IQSEC1: variants seen among roughly 807,000 people sequenced by gnomAD.
IQSEC1 encodes the protein IQ motif and Sec7 domain ArfGEF 1.
A neutral mutation model predicts 91.0 loss-of-function variants in IQSEC1; 31 were observed. The observed-to-expected ratio is 0.34, with a 90% confidence interval of 0.26 to 0.46. The LOEUF (loss-of-function observed/expected upper bound fraction) is 0.46, where lower values mean the gene tolerates loss of function less well. IQSEC1 is among the 20% of genes least tolerant of loss of function. The probability of loss-of-function intolerance (pLI) is 1.00; values close to 1 mark genes in which losing one functional copy is unlikely to be tolerated. For missense variants in IQSEC1, 1,388 were observed against 1,575.6 expected (o/e 0.88, Z 2.02); for synonymous variants, 699 against 662.6 (o/e 1.05, Z -0.84).
chr3:13,176,440 C>T (rs1385116072), intron 1 of IQSEC1, among the ~76,000 whole-genome samples: 5 of 152,244 alleles, frequency 3.3e-5, no homozygotes, highest in Non-Finnish European at 7.3e-5. Flanking sequence ...CCTAGCCTGA[C>T]CCTTGGGAGC....
intron 1 of IQSEC1, 78 bp from the exon 2 acceptor site, chr3:12,941,943 C>G: frequency 7.5e-7 from 1 of 1,330,464 alleles, no homozygotes; most frequent in Non-Finnish European, 1.0e-6. Context: ...GGCGTGACCC[C>G]ACCATGCTCC....
At chr3:13,110,240 G>A (rs1044793071) in intron 2 of IQSEC1, among the ~76,000 whole-genome samples, 36 of 152,056 alleles carry the variant, frequency 2.4e-4, no homozygotes, top group African/African-American at 8.7e-4. Flanking sequence ...TATAGGAGGT[G>A]TTATAGCAGT....
At chr3:13,183,834 A>G (rs2125022231) in intron 1 of IQSEC1, among the ~76,000 whole-genome samples, 1 of 152,286 alleles carries the variant, frequency 6.6e-6, no homozygotes, top group East Asian at 1.9e-4. Context: ...CTGATCAATA[A>G]AAGAAGAGAA....
Position 12,897,736 on chromosome 3 carries a change from CTG to C in IQSEC1, c.*3245_*3246del, listed in dbSNP as rs1693789031. 6.6e-6 allele frequency: 1 copy of C among 152,224 alleles called. No individual in the cohort carries two copies. The highest frequency in any genetic ancestry group is 2.4e-5 in the African/African-American group (1 of 41,444). The allele number at this position is 152,224 out of a possible 1,614,324, so 9.4% of individuals were successfully genotyped here. ...TGCGGGCACAGAGCTTCCCGTGGCG[CTG>C]AGTCAACACCCAGCATCAGCTGTGA... On this transcript the variant is annotated 3_prime_UTR_variant, in exon 14 of 14. Coordinates refer to ENST00000613206, the MANE Select transcript of IQSEC1 (RefSeq NM_001134382.3).
At chr3:13,142,214 C>A (rs372711200) in intron 2 of IQSEC1, among the ~76,000 whole-genome samples, 1 of 152,240 alleles carries the variant, frequency 6.6e-6, no homozygotes, top group Non-Finnish European at 1.5e-5. Context: ...CAGAGCGCAG[C>A]GGGCTGCGGG....
rs370534423 is a variant in IQSEC1, at chr3:13,026,864, G to GCTTTTTTTTTTTTTTTTTTTTT, written c.23+46127_23+46128insAAAAAAAAAAAAAAAAAAAAAG. ...TGAAGTAGCAGTTATTATCTCCCCA[G>GCTTTTTTTTTTTTTTTTTTTTT]TTTTTTTTTTTTTTGTTTGTTTTTT... On this transcript the variant is annotated intron_variant, in intron 1 of 13. Transcript: ENST00000613206. Among the ~76,000 whole-genome samples the GCTTTTTTTTTTTTTTTTTTTTT allele has an allele frequency of 2.2e-5, 2 of 90,864 alleles. 1 individual carries two copies. Among genetic ancestry groups the GCTTTTTTTTTTTTTTTTTTTTT allele is most frequent in the African/African-American group, 6.7e-5 (2 of 29,786 alleles). 59.6% of individuals were successfully genotyped at this position (90,864 alleles called of 152,430 possible).
At position 13,006,278 on chromosome 3, in the gene IQSEC1, G is replaced by A. The variant is rs565989282; in HGVS notation, c.24-64413C>T. On this transcript the variant is annotated intron_variant, in intron 1 of 13. Transcript: ENST00000613206. ...ATGGCTGTGCCTCAAGAGGCCTCAC[G>A]GCTTCTGGTTCATTCTAGAAGTGCA... is the stretch of plus-strand genomic sequence containing the variant. 8.5e-5 allele frequency among the ~76,000 whole-genome samples: 13 copies of A among 152,338 alleles called. No homozygotes were observed. The East Asian group carries it at 9.6e-4, about 11-fold the overall frequency.
intron 1 of IQSEC1, among the ~76,000 whole-genome samples, chr3:13,037,659 T>C (rs1178976784): frequency 6.6e-6 from 1 of 152,148 alleles, no homozygotes; most frequent in Non-Finnish European, 1.5e-5. Context: ...GGTCCATACT[T>C]ATAGTGGAGT....
intron 1 of IQSEC1, among the ~76,000 whole-genome samples, chr3:13,177,837 T>C (rs357139): frequency 0.75 from 113,762 of 152,216 alleles, 42,872 homozygotes; most frequent in African/African-American, 0.85. Context: ...CCTCTCAGCC[T>C]GGGAAGGCAG....
At position 13,183,732 on chromosome 3, in the gene IQSEC1, GT is replaced by G. The variant is rs145476502; in HGVS notation, c.273-19600del. Among the ~76,000 whole-genome samples the G allele has an allele frequency of 3.9e-3, 591 of 152,276 alleles. 4 individuals carry two copies. The highest frequency in any genetic ancestry group is 0.014 in the Middle Eastern group (4 of 294). On this transcript the variant is annotated intron_variant, in intron 1 of 15. Transcript: ENST00000648114. ...TTAATGCAATTCTTGTGTTTTGTTT[GT>G]TTGTTTGGTTGGTTGTTAAACACTT...
At position 12,968,722 on chromosome 3, in the gene IQSEC1, C is replaced by T. The variant is rs370639166; in HGVS notation, c.24-26857G>A. On this transcript the variant is annotated intron_variant, in intron 1 of 13. Coordinates refer to ENST00000613206, the MANE Select transcript of IQSEC1 (RefSeq NM_001134382.3). ...GGAATGCCTAGACGTGGTTGGGAGA[C>T]AGCAAGCAGATATGGAACAATCAAA... 2.4e-4 allele frequency among the ~76,000 whole-genome samples: 37 copies of T among 152,354 alleles called. No homozygotes were observed. In the East Asian group the frequency reaches 5.6e-3, roughly 23 times the overall value.
At chr3:12,954,182 C>A (rs1250189588) in intron 1 of IQSEC1, among the ~76,000 whole-genome samples, 2 of 152,220 alleles carry the variant, frequency 1.3e-5, no homozygotes, top group African/African-American at 4.8e-5. Flanking sequence ...GTACCGTCAG[C>A]CTGCAGGGGC....
chr3:13,078,606 G>A (rs1180586143), intron 2 of IQSEC1, among the ~76,000 whole-genome samples: 2 of 152,176 alleles, frequency 1.3e-5, no homozygotes, highest in East Asian at 1.9e-4. Flanking sequence ...GGGCATCTAT[G>A]TCCACCTGCA....
rs192276869 is a variant in IQSEC1, at chr3:13,106,066, G to A, written c.302+58038C>T. Among the ~76,000 whole-genome samples, 358 of 152,284 alleles carry A rather than the reference G, an allele frequency of 2.4e-3. 1 individual carries two copies. The highest frequency in any genetic ancestry group is 4.4e-3 in the Non-Finnish European group (298 of 68,004). On this transcript the variant is annotated intron_variant, in intron 2 of 15. Transcript: ENST00000648114. Reference sequence around the variant, plus strand: ...GTGGAGCCACCAATAGAGGGAGCCTGGGTTCCTGGGTGACTCTGTGGAGCA... The same window carrying A: ...GTGGAGCCACCAATAGAGGGAGCCTAGGTTCCTGGGTGACTCTGTGGAGCA...
At chr3:12,932,480 G>T (rs770463585) in intron 3 of IQSEC1, among the ~76,000 whole-genome samples, 1 of 152,200 alleles carries the variant, frequency 6.6e-6, no homozygotes, top group Non-Finnish European at 1.5e-5. Context: ...GCGTTAGCGC[G>T]TGACAGGCCC....
chr3:13,000,354 CT>C (rs1253209742), intron 1 of IQSEC1, among the ~76,000 whole-genome samples: 2 of 152,152 alleles, frequency 1.3e-5, no homozygotes, highest in Non-Finnish European at 2.9e-5. Flanking sequence ...CAAACCCATC[CT>C]TTAAATCCAG....
chr3:13,178,556 T>G (rs1171113960), intron 1 of IQSEC1, among the ~76,000 whole-genome samples: 1 of 152,222 alleles, frequency 6.6e-6, no homozygotes, highest in Non-Finnish European at 1.5e-5. Flanking sequence ...TGCACCCTTC[T>G]CAGCTTCCCC....
At chr3:13,024,318 C>T (rs1703521155) in intron 1 of IQSEC1, among the ~76,000 whole-genome samples, 1 of 152,138 alleles carries the variant, frequency 6.6e-6, no homozygotes, top group Admixed American at 6.5e-5. Context: ...TTTATCCCCT[C>T]ATCCACCCAT....
intron 1 of IQSEC1, among the ~76,000 whole-genome samples, chr3:13,208,114 T>A (rs1694376716): frequency 6.7e-6 from 1 of 150,192 alleles, no homozygotes; most frequent in Non-Finnish European, 1.5e-5. Flanking sequence ...AAGACTTGGG[T>A]GGGTGGGTGG....
Sources: gnomAD v4.1 joint callset for allele counts (sites outside exome capture counted in the v4.1 genomes callset) on GRCh38, gnomAD v4.1.1 for gene constraint, MANE v1.5 for transcripts, NCBI Gene and HGNC (gene_info 2026-07-23, HGNC 2026-07-21) for gene names.